BUB1B: variants seen among roughly 807,000 people sequenced by gnomAD.
BUB1B encodes mitotic checkpoint serine/threonine-protein kinase BUB1 beta.
In BUB1B, 86 loss-of-function variants were observed where a neutral mutation model predicts 137.7. That is an observed-to-expected ratio of 0.62 (90% CI 0.52 to 0.75). The LOEUF is 0.75. BUB1B is among the 30% of genes least tolerant of loss of function. The pLI is 0.00. For missense variants in BUB1B, 1,130 were observed against 1,236.9 expected (o/e 0.91, Z 1.30); for synonymous variants, 420 against 417.9 (o/e 1.00, Z -0.06).
chr15:40,169,793 A>G (rs796127193), intron 2 of BUB1B, among the ~76,000 whole-genome samples: 3 of 151,338 alleles, frequency 2.0e-5, no homozygotes, highest in African/African-American at 4.8e-5. Flanking sequence ...TTGTGTTTTT[A>G]GTAGAGATGA....
intron 9 of BUB1B, among the ~76,000 whole-genome samples, chr15:40,198,034 C>T (rs1341384653): frequency 6.6e-6 from 1 of 152,024 alleles, no homozygotes; most frequent in South Asian, 2.1e-4. Context: ...GGGCCAGGCA[C>T]AGTGGCTCAC....
chr15:40,178,009 G>A (rs1313768407), intron 5 of BUB1B, among the ~76,000 whole-genome samples: 1 of 148,892 alleles, frequency 6.7e-6, no homozygotes, highest in Non-Finnish European at 1.5e-5. Context: ...GATTGTTTTA[G>A]AAAACCAGCT....
chr15:40,214,949 C>A (rs2037757601), intron 20 of BUB1B, among the ~76,000 whole-genome samples: 1 of 148,488 alleles, frequency 6.7e-6, no homozygotes, highest in Admixed American at 6.9e-5. Flanking sequence ...CTCTACTTAA[C>A]ATTAAAATGA....
chr15:40,161,449 C>T (rs1280932509), intron 1 of BUB1B, among the ~76,000 whole-genome samples, 194 bp downstream of exon 1: 2 of 152,132 alleles, frequency 1.3e-5, no homozygotes, highest in Non-Finnish European at 2.9e-5. Flanking sequence ...ACGTGCGAAT[C>T]CTGCCGCATC....
intron 5 of BUB1B, among the ~76,000 whole-genome samples, chr15:40,182,119 G>C (rs1252127645): frequency 6.6e-6 from 1 of 152,162 alleles, no homozygotes; most frequent in Admixed American, 6.5e-5. Context: ...CAGGAGAATC[G>C]CTTGAACCCA....
At chr15:40,175,985 G>C (rs1160692160) in intron 4 of BUB1B, among the ~76,000 whole-genome samples, 3 of 151,654 alleles carry the variant, frequency 2.0e-5, no homozygotes, top group Admixed American at 6.6e-5. Flanking sequence ...GTCTCACTCT[G>C]TCACCCAGGC....
chr15:40,209,098 A>G (rs1409551919), intron 16 of BUB1B, among the ~76,000 whole-genome samples: 4 of 152,086 alleles, frequency 2.6e-5, no homozygotes, highest in African/African-American at 7.2e-5. Flanking sequence ...GTGAGCCACC[A>G]TGCCCAGTCT....
chr15:40,209,535 GTA>G (rs1392651001), intron 16 of BUB1B, 98 bp from the exon 17 acceptor site: 10 of 1,403,068 alleles, frequency 7.1e-6, no homozygotes, highest in Non-Finnish European at 8.0e-6. Flanking sequence ...TGCTGACTGT[GTA>G]ATCTTGATTT....
intron 5 of BUB1B, 73 bp from the exon 6 acceptor site, chr15:40,183,641 T>G (rs1185616696): frequency 2.8e-6 from 4 of 1,444,002 alleles, no homozygotes; most frequent in Non-Finnish European, 3.9e-6. Flanking sequence ...TTGTTTACTT[T>G]AACAAATTGG....
chr15:40,218,124 T>C (rs1216329377), intron 21 of BUB1B, among the ~76,000 whole-genome samples: 1 of 152,242 alleles, frequency 6.6e-6, no homozygotes, highest in African/African-American at 2.4e-5. Context: ...CATTTGCTGA[T>C]TGAATATGTA....
chr15:40,188,644 G>A (rs2037398830), intron 8 of BUB1B, among the ~76,000 whole-genome samples: 2 of 146,922 alleles, frequency 1.4e-5, no homozygotes, highest in East Asian at 4.0e-4. Flanking sequence ...GTGCAGTGGC[G>A]CCGTCTCAGC....
rs1209553505 is a variant in BUB1B at position 40,217,480 on chromosome 15, T to G, written c.2679-16T>G. On this transcript the variant is annotated splice_polypyrimidine_tract_variant and intron_variant, in intron 20 of 22. Coordinates refer to ENST00000287598, the MANE Select transcript of BUB1B (RefSeq NM_001211.6). ...GGCCTATTTTTATTATCTCCTTCTC[T>G]TAAATCTGGGCTCAGAATCCACGAT... 6.2e-7 allele frequency: 1 copy of G among 1,613,698 alleles called. No individual in the cohort carries two copies. The highest frequency in any genetic ancestry group is 8.5e-7 in the Non-Finnish European group (1 of 1,179,634).
chr15:40,162,653 A>T (rs1450264993), intron 1 of BUB1B, among the ~76,000 whole-genome samples: 1 of 152,212 alleles, frequency 6.6e-6, no homozygotes, highest in Non-Finnish European at 1.5e-5. Flanking sequence ...GTTGGCACTA[A>T]GATTTTTGGC....
chr15:40,216,559 ATATATATATATATTT>A (rs1434085511), intron 20 of BUB1B, among the ~76,000 whole-genome samples: 891 of 79,856 alleles, frequency 0.011, 12 homozygotes, highest in African/African-American at 0.048. Flanking sequence ...ATATATATAT[ATATATATATATATTT>A]TTTTTTTTTT....
Position 40,209,790 on chromosome 15 carries a change from A to C in BUB1B, c.2284+15A>C, listed in dbSNP as rs200313580. On this transcript the variant is annotated intron_variant, in intron 17 of 22. Coordinates refer to ENST00000287598, the MANE Select transcript of BUB1B (RefSeq NM_001211.6). ...AATTGAATTAGGTAAGTACCATTGA[A>C]CTCATGTCCTCTGGTTCATGACAGT... The C allele has an allele frequency of 6.2e-7, 1 of 1,613,770 alleles. No individual in the cohort carries two copies. The highest frequency in any genetic ancestry group is 2.2e-5 in the East Asian group (1 of 44,854).
intron 8 of BUB1B, among the ~76,000 whole-genome samples, chr15:40,190,397 A>G (rs2037421147): frequency 6.6e-6 from 1 of 152,006 alleles, no homozygotes; most frequent in South Asian, 2.1e-4. Context: ...GGATTGCTTG[A>G]GACCAGGAGT....
At chr15:40,220,463 T>C in intron 22 of BUB1B, 101 bp from the exon 23 acceptor site, 1 of 1,221,252 alleles carries the variant, frequency 8.2e-7, no homozygotes, top group Non-Finnish European at 1.2e-6. Context: ...AGGTATTACC[T>C]TACACCATTT....
rs1179465577 is a variant in BUB1B at position 40,176,669 on chromosome 15, CA to C, written c.578del (p.His193ProfsTer35). On this transcript the variant is annotated frameshift_variant, in exon 5 of 23. Coordinates refer to ENST00000287598, the MANE Select transcript of BUB1B (RefSeq NM_001211.6). LOFTEE classifies it high-confidence loss of function. ...ACCACTAGAAAGACTACAGTCCCAG[CA>C]CCGGTAAACTTTCTTTGGAGCTTGT... ...AEPLERLQSQ[H>X]RQFQARVSRQ... The C allele has an allele frequency of 6.2e-7, 1 of 1,613,948 alleles. No homozygotes were observed. Among genetic ancestry groups the C allele is most frequent in the Middle Eastern group, 1.6e-4 (1 of 6,062 alleles).
intron 4 of BUB1B, among the ~76,000 whole-genome samples, chr15:40,170,941 T>A (rs879428071): frequency 2.6e-5 from 4 of 152,064 alleles, no homozygotes; most frequent in Non-Finnish European, 5.9e-5. Flanking sequence ...ATTAATAATT[T>A]ATTTTATATT....
Sources: gnomAD v4.1 joint callset for allele counts (sites outside exome capture counted in the v4.1 genomes callset) on GRCh38, gnomAD v4.1.1 for gene constraint, MANE v1.5 for transcripts, NCBI Gene and HGNC (gene_info 2026-07-23, HGNC 2026-07-21) for gene names.